Variants in KIR2DL4 observed in about 807,000 individuals in gnomAD.
KIR2DL4 encodes killer cell immunoglobulin-like receptor 2DL4.
KIR2DL4 carries 41 observed loss-of-function variants against 31.0 expected under a neutral mutation model. The observed-to-expected ratio is 1.32, with a 90% CI of 1.03 to 1.72. KIR2DL4 has a LOEUF of 1.72. KIR2DL4 is among the 40% of genes most tolerant of loss of function. The pLI is 0.00. For missense variants in KIR2DL4, 438 were observed against 353.7 expected (o/e 1.24, Z -1.91); for synonymous variants, 164 against 133.6 (o/e 1.23, Z -1.57).
At chr19:54,804,076 TC>T (rs2060345824) in intron 2 of KIR2DL4, 150 bp downstream of exon 2, 4 of 786,114 alleles carry the variant, frequency 5.1e-6, no homozygotes, top group African/African-American at 3.5e-5. Context: ...TAAGAGGAGA[TC>T]CTGGGAGTCT....
exon 4 of KIR2DL4, chr19:54,806,099 A>C (rs1048721503): frequency 8.1e-6 from 13 of 1,612,142 alleles, no homozygotes; most frequent in Middle Eastern, 1.7e-4. Context: ...GGCTCCCTGC[A>C]GTGCCCAGCA....
intron 4 of KIR2DL4, among the ~76,000 whole-genome samples, chr19:54,807,356 C>T (rs2147915186): frequency 6.6e-6 from 1 of 151,592 alleles, no homozygotes; most frequent in African/African-American, 2.4e-5. Flanking sequence ...CACTTCAATA[C>T]ACTGAAGTCC....
chr19:54,811,442 G>A lies in KIR2DL4; in HGVS notation c.707-1683G>A, dbSNP rs1344820062. On this transcript the variant is annotated intron_variant, in intron 5 of 7. Transcript: ENST00000359085. Reference sequence around the variant, plus strand: ...TACATAAATATAATATAACATACACGAATGACAAAGGCACACCAATTCCAA... The same window carrying A: ...TACATAAATATAATATAACATACACAAATGACAAAGGCACACCAATTCCAA... 1.1e-4 allele frequency among the ~76,000 whole-genome samples: 16 copies of A among 151,102 alleles called. 1 individual carries two copies. Among genetic ancestry groups the A allele is most frequent in the African/African-American group, 1.5e-4 (6 of 40,896 alleles).
chr19:54,805,711 C>G (rs930301896), intron 3 of KIR2DL4, among the ~76,000 whole-genome samples: 8 of 151,182 alleles, frequency 5.3e-5, no homozygotes, highest in Admixed American at 5.3e-4. Flanking sequence ...AGGTGAAGGA[C>G]AAGTTAAAAA....
At chr19:54,809,373 G>A (rs750727645) in intron 5 of KIR2DL4, among the ~76,000 whole-genome samples, 8 of 150,770 alleles carry the variant, frequency 5.3e-5, no homozygotes, top group Admixed American at 6.6e-5. Flanking sequence ...CCACTTACTC[G>A]TTCAGCCACT....
At chr19:54,806,802 G>A (rs1457333211) in intron 4 of KIR2DL4, among the ~76,000 whole-genome samples, 1 of 149,912 alleles carries the variant, frequency 6.7e-6, no homozygotes, top group Non-Finnish European at 1.5e-5. Context: ...AAAATCAGGG[G>A]CTGGAGACCA....
At chr19:54,808,911 C>A in intron 5 of KIR2DL4, 28 bp downstream of exon 5, 1 of 1,580,410 alleles carries the variant, frequency 6.3e-7, no homozygotes, top group South Asian at 1.1e-5. Context: ...CTTATCTCTG[C>A]TTTTGGAAAC....
At chr19:54,808,485 C>A (rs1210899164) in intron 4 of KIR2DL4, among the ~76,000 whole-genome samples, 1 of 150,684 alleles carries the variant, frequency 6.6e-6, no homozygotes, top group African/African-American at 2.5e-5. Flanking sequence ...ATTCTTCGAA[C>A]CTTTGTCAAA....
chr19:54,813,246 G>C, intron 6 of KIR2DL4: 2 of 1,595,318 alleles, frequency 1.3e-6, no homozygotes, highest in Non-Finnish European at 1.7e-6. Flanking sequence ...TCACGAAGCA[G>C]AGGCCAGAGA....
At chr19:54,804,019 G>T in intron 2 of KIR2DL4, 93 bp downstream of exon 2, 1 of 1,160,354 alleles carries the variant, frequency 8.6e-7, no homozygotes, top group Non-Finnish European at 1.3e-6. Flanking sequence ...AGGGTGGGCT[G>T]ATGGGCTGAC....
At chr19:54,813,693 C>T (rs1196155941) in exon 7 of KIR2DL4, 29 of 1,611,870 alleles carry the variant, frequency 1.8e-5, no homozygotes, top group Non-Finnish European at 2.3e-5. Context: ...CCTACAGATG[C>T]TGCTGTAATG....
In KIR2DL4 at chr19:54,804,246, C is replaced by G. The variant is rs955865266; in HGVS notation, c.76+320C>G. Among the ~76,000 whole-genome samples the G allele has an allele frequency of 1.3e-5, 2 of 150,848 alleles. 1 individual carries two copies. Among genetic ancestry groups the G allele is most frequent in the African/African-American group, 4.9e-5 (2 of 40,740 alleles). ...GGCCCAGGCGGGATACTGAGGTGCT[C>G]AAAGCTGGGGTGTGTGGGGGGATGT... On this transcript the variant is annotated intron_variant, in intron 2 of 7. Transcript: ENST00000359085.
intron 4 of KIR2DL4, among the ~76,000 whole-genome samples, chr19:54,806,754 T>A (rs2060555165): frequency 6.6e-6 from 1 of 150,628 alleles, no homozygotes; most frequent in Non-Finnish European, 1.5e-5. Context: ...ATGCCTGTAA[T>A]CTCAGCATTT....
Position 54,808,896 on chromosome 19 carries a change from C to T in KIR2DL4, c.706+13C>T, listed in dbSNP as rs1601177907. 1 of 1,599,110 alleles carries T rather than the reference C, an allele frequency of 6.3e-7. No individual in the cohort carries two copies. Among genetic ancestry groups the T allele is most frequent in the Non-Finnish European group, 8.6e-7 (1 of 1,169,334 alleles). ...AGCTTCAAAACTGGTAAGTGAAGGA[C>T]CCCTCTTATCTCTGCTTTTGGAAAC... is the stretch of plus-strand genomic sequence containing the variant. On this transcript the variant is annotated intron_variant, in intron 5 of 7. Transcript: ENST00000359085.
chr19:54,808,974 T>C, intron 5 of KIR2DL4, 91 bp downstream of exon 5: 8 of 1,021,156 alleles, frequency 7.8e-6, no homozygotes, highest in Non-Finnish European at 7.8e-6. Flanking sequence ...CTGCCAGCTC[T>C]GTGATTGTGG....
chr19:54,808,970 G>A (rs2060693872), intron 5 of KIR2DL4, 87 bp downstream of exon 5: 1 of 1,055,502 alleles, frequency 9.5e-7, no homozygotes, highest in South Asian at 1.3e-5. Context: ...GCACCTGCCA[G>A]CTCTGTGATT....
intron 5 of KIR2DL4, chr19:54,813,008 G>T (rs1382473574): frequency 7.2e-6 from 5 of 695,202 alleles, no homozygotes; most frequent in African/African-American, 4.3e-5. Context: ...CCCGCCTCGT[G>T]GGTGCTTGTC....
At chr19:54,808,282 G>T (rs2060646142) in intron 4 of KIR2DL4, among the ~76,000 whole-genome samples, 2 of 150,808 alleles carry the variant, frequency 1.3e-5, no homozygotes, top group African/African-American at 4.9e-5. Flanking sequence ...TCTTCCCTCA[G>T]ACAAATGTCC....
intron 2 of KIR2DL4, 63 bp downstream of exon 2, chr19:54,803,989 A>G (rs1328066128): frequency 1.5e-5 from 21 of 1,429,936 alleles, no homozygotes; most frequent in Non-Finnish European, 2.0e-5. Context: ...TTTTCCAGAA[A>G]TGGGAGGGAG....
Sources: gnomAD v4.1 joint callset for allele counts (sites outside exome capture counted in the v4.1 genomes callset) on GRCh38, gnomAD v4.1.1 for gene constraint, MANE v1.5 for transcripts, NCBI Gene and HGNC (gene_info 2026-07-23, HGNC 2026-07-21) for gene names.